The following MASP1 variants were observed in gnomAD, a reference collection of about 807,000 sequenced individuals.
The protein encoded by MASP1 is mannan-binding lectin serine protease 1.
A neutral mutation model predicts 77.1 loss-of-function variants in MASP1; 59 were observed. The ratio of observed to expected loss-of-function variants is 0.77; its 90% CI spans 0.62 to 0.95. The LOEUF (loss-of-function observed/expected upper bound fraction) is 0.95. Among genes scored for constraint, MASP1 ranks in the 40% least tolerant of loss-of-function variants. The probability of loss-of-function intolerance (pLI) is 0.00; values close to 1 mark genes in which losing one functional copy is unlikely to be tolerated. For synonymous variants in MASP1, 362 were observed against 354.5 expected (o/e 1.02, Z -0.24); for missense variants, 885 against 912.9 (o/e 0.97, Z 0.39).
chr3:187,286,800 C>T (rs1308275807), intron 1 of MASP1, among the ~76,000 whole-genome samples: 1 of 152,180 alleles, frequency 6.6e-6, no homozygotes, highest in African/African-American at 2.4e-5. Context: ...AGACCGATTC[C>T]CCTGTGAGGT....
intron 2 of MASP1, among the ~76,000 whole-genome samples, chr3:187,270,957 C>T (rs907717392): frequency 6.6e-6 from 1 of 152,192 alleles, no homozygotes; most frequent in Admixed American, 6.5e-5. Context: ...AACGCCTGAC[C>T]ACAGAATCAT....
At chr3:187,254,912 T>C (rs1330004076) in intron 5 of MASP1, among the ~76,000 whole-genome samples, 2 of 152,024 alleles carry the variant, frequency 1.3e-5, no homozygotes, top group African/African-American at 2.4e-5. Flanking sequence ...GTCCTGTCCT[T>C]ATTGAGGAGA....
Position 187,234,434 on chromosome 3 carries a change from T to C in MASP1, c.*1250A>G. On this transcript the variant is annotated 3_prime_UTR_variant, in exon 11 of 11. Coordinates refer to ENST00000296280, the MANE Select transcript of MASP1 (RefSeq NM_139125.4). ...TAGAAGGAACCTGCAGGGGACCTTA[T>C]GCCAGCCTGTTGCTGACGGAGAACC... 7.8e-7 allele frequency: 1 copy of C among 1,286,584 alleles called. No individual in the cohort carries two copies. The highest frequency in any genetic ancestry group is 1.0e-6 in the Non-Finnish European group (1 of 988,084). 79.7% of individuals were successfully genotyped at this position (1,286,584 alleles called of 1,614,324 possible).
intron 2 of MASP1, among the ~76,000 whole-genome samples, chr3:187,265,643 G>T (rs1715957282): frequency 6.6e-6 from 1 of 152,156 alleles, no homozygotes; most frequent in South Asian, 2.1e-4. Flanking sequence ...ATTTCTATCT[G>T]CCTCCTTCTA....
rs1356945297 is a variant in MASP1 at position 187,246,370 on chromosome 3, G to A, written c.1091-2749C>T. 3.0e-6 allele frequency: 3 copies of A among 985,222 alleles called. No individual in the cohort carries two copies. The East Asian group carries it at 3.4e-4, about 112-fold the overall frequency. 61.0% of individuals were successfully genotyped at this position (985,222 alleles called of 1,614,324 possible). On this transcript the variant is annotated intron_variant, in intron 8 of 10. Transcript: ENST00000296280. ...GCTGTTAATACGTTGTAGGTTTAAA[G>A]ACATTTATTCAACTGACACTTGTCT... is the stretch of plus-strand genomic sequence containing the variant.
At chr3:187,278,524 G>A (rs696403) in intron 2 of MASP1, among the ~76,000 whole-genome samples, 114,704 of 152,106 alleles carry the variant, frequency 0.75, 44,633 homozygotes, top group East Asian at 0.88. Flanking sequence ...CCACTCTTAC[G>A]ACTCTTTAAG....
At chr3:187,245,513 G>A (rs1234260355) in intron 8 of MASP1, among the ~76,000 whole-genome samples, 2 of 152,168 alleles carry the variant, frequency 1.3e-5, no homozygotes, top group Non-Finnish European at 2.9e-5. Flanking sequence ...ACTAGGTAGA[G>A]GGGGTGATAA....
At chr3:187,226,186 G>A (rs536712356) in intron 12 of MASP1, 10 of 562,342 alleles carry the variant, frequency 1.8e-5, no homozygotes, top group Middle Eastern at 9.7e-4. Flanking sequence ...TCATTTTATC[G>A]TTGTGAAACT....
At chr3:187,219,091 C>T (rs1262778486) in exon 16 of MASP1, 1 of 152,206 alleles carries the variant, frequency 6.6e-6, no homozygotes, top group African/African-American at 2.4e-5. Flanking sequence ...CCTTGGGAAC[C>T]CACCCGTAGT....
intron 9 of MASP1, 115 bp downstream of exon 9, chr3:187,243,369 G>A: frequency 7.5e-6 from 8 of 1,060,040 alleles, no homozygotes; most frequent in Non-Finnish European, 8.8e-6. Context: ...TGCATTATCA[G>A]GCTCTACACA....
At chr3:187,290,314 AAAG>A (rs1355037554) in intron 1 of MASP1, among the ~76,000 whole-genome samples, 1 of 152,196 alleles carries the variant, frequency 6.6e-6, no homozygotes, top group Non-Finnish European at 1.5e-5. Context: ...GGTGGAAAAT[AAAG>A]AAGAAGGTTG....
At chr3:187,284,841 G>A (rs1478778343) in intron 2 of MASP1, among the ~76,000 whole-genome samples, 1 of 152,182 alleles carries the variant, frequency 6.6e-6, no homozygotes, top group African/African-American at 2.4e-5. Flanking sequence ...AAGTTTGATT[G>A]AGATTATAAT....
chr3:187,264,090 G>T (rs1386083360), intron 2 of MASP1, among the ~76,000 whole-genome samples: 2 of 152,132 alleles, frequency 1.3e-5, no homozygotes, highest in African/African-American at 4.8e-5. Context: ...TCATTGTTTT[G>T]TTCGTTAGCT....
At position 187,243,161 on chromosome 3, in the gene MASP1, C is replaced by T. The variant is rs150378009; in HGVS notation, c.1228+323G>A. On this transcript the variant is annotated intron_variant, in intron 9 of 10. Transcript: ENST00000296280. ...GGATTCCAGGCTTCCTTTAGGGTCT[C>T]GTTTCTTCTCTTAGTTGTGTCAGTG... 5.8e-5 allele frequency: 21 copies of T among 362,024 alleles called. No homozygotes were observed. In the East Asian group the frequency reaches 8.8e-4, roughly 15 times the overall value. 22.4% of individuals were successfully genotyped at this position (362,024 alleles called of 1,614,324 possible).
chr3:187,253,281 C>A lies in MASP1; in HGVS notation c.779G>T (p.Cys260Phe), dbSNP rs1334672744. 1.2e-6 allele frequency: 2 copies of A among 1,614,040 alleles called. No homozygotes were observed. Among genetic ancestry groups the A allele is most frequent in the East Asian group, 4.5e-5 (2 of 44,888 alleles). Residue 260 changes from cysteine (C) to phenylalanine (F), a missense_variant, in exon 6 of 11, where the codon TGT (cysteine) becomes TTT (phenylalanine). Coordinates refer to ENST00000296280, the MANE Select transcript of MASP1 (RefSeq NM_139125.4). The stretch of plus-strand genomic sequence containing the variant: ...GATGGGTTCTGGGGCTTTCTCTCCA[C>A]AGAAAGGCCCCAAAACTTTTGGACC... ...KVGPKVLGPF[C>F]GEKAPEPIST...
rs759280294 is a variant in MASP1 at position 187,235,664 on chromosome 3, C to T, written c.*20G>A. 2.5e-6 allele frequency: 4 copies of T among 1,613,600 alleles called. No individual in the cohort carries two copies. Among genetic ancestry groups the T allele is most frequent in the African/African-American group, 2.7e-5 (2 of 75,028 alleles). ...TGTAGCTTCGCTCAGGGGAGGCAGG[C>T]CCCGAGGAAGTAAGTCAGCTCACCG... On this transcript the variant is annotated 3_prime_UTR_variant, in exon 11 of 11. Transcript: ENST00000296280.
intron 10 of MASP1, among the ~76,000 whole-genome samples, chr3:187,239,072 A>G (rs563251422): frequency 6.6e-6 from 1 of 152,132 alleles, no homozygotes; most frequent in South Asian, 2.1e-4. Flanking sequence ...AGCTGGGTGC[A>G]TGGCTCATGC....
At position 187,234,470 on chromosome 3, in the gene MASP1, A is replaced by T. The variant is rs887092168; in HGVS notation, c.*1214T>A. ...TGCTGACGGAGAACCAGAGACTCAG[A>T]CAAAGAAAATGATTTTTCAAAGGTT... is the stretch of plus-strand genomic sequence containing the variant. On this transcript the variant is annotated 3_prime_UTR_variant, in exon 11 of 11. Coordinates refer to ENST00000296280, the MANE Select transcript of MASP1 (RefSeq NM_139125.4). 8.6e-6 allele frequency: 11 copies of T among 1,285,918 alleles called. No individual in the cohort carries two copies. In the African/African-American group the frequency reaches 1.5e-4, roughly 18 times the overall value. The allele number at this position is 1,285,918 out of a possible 1,614,324, so 79.7% of individuals were successfully genotyped here.
chr3:187,257,374 T>A (rs1442021711), intron 4 of MASP1, among the ~76,000 whole-genome samples: 1 of 152,128 alleles, frequency 6.6e-6, no homozygotes, highest in Non-Finnish European at 1.5e-5. Flanking sequence ...TTATTTTATT[T>A]TATTTTATTT....
Sources: allele counts gnomAD v4.1 joint callset (sites outside exome capture counted in the v4.1 genomes callset), GRCh38; gene constraint gnomAD v4.1.1; transcripts MANE v1.5; gene names NCBI Gene and HGNC (gene_info 2026-07-23, HGNC 2026-07-21).